Variants in MTHFD1L observed in about 807,000 individuals in gnomAD.
The protein encoded by MTHFD1L is monofunctional C1-tetrahydrofolate synthase, mitochondrial.
MTHFD1L carries 81 observed loss-of-function variants against 119.5 expected under a neutral mutation model. The observed-to-expected ratio is 0.68, with a 90% CI of 0.57 to 0.82. The LOEUF (loss-of-function observed/expected upper bound fraction) is 0.82. Ranked by LOEUF, MTHFD1L falls within the 40% of genes least tolerant of loss-of-function variation. The pLI is 0.00. For synonymous variants in MTHFD1L, 430 were observed against 475.2 expected (o/e 0.90, Z 1.24); for missense variants, 1,125 against 1,253.4 (o/e 0.90, Z 1.55).
At chr6:150,887,713 T>C in intron 6 of MTHFD1L, 132 bp from the exon 7 acceptor site, 1 of 942,038 alleles carries the variant, frequency 1.1e-6, no homozygotes, top group East Asian at 2.8e-5. Context: ...TGCCTCAGCC[T>C]CCCAAAGTGC....
At chr6:151,046,608 AC>A (rs1255572231) in intron 26 of MTHFD1L, among the ~76,000 whole-genome samples, 1 of 151,412 alleles carries the variant, frequency 6.6e-6, no homozygotes, top group Non-Finnish European at 1.5e-5. Flanking sequence ...CAACAAAGAT[AC>A]ATCTCAATTT....
intron 27 of MTHFD1L, among the ~76,000 whole-genome samples, chr6:151,097,136 A>G (rs1794952380): frequency 6.6e-6 from 1 of 152,204 alleles, no homozygotes; most frequent in Non-Finnish European, 1.5e-5. Context: ...GGCAAGATTC[A>G]TTCAAATGAA....
intron 26 of MTHFD1L, among the ~76,000 whole-genome samples, chr6:151,061,282 A>G (rs1386800831): frequency 6.6e-6 from 1 of 152,168 alleles, no homozygotes; most frequent in Non-Finnish European, 1.5e-5. Context: ...TACTCTCCCC[A>G]TAGAGTCACA....
intron 11 of MTHFD1L, chr6:150,935,638 A>G (rs1791927954): frequency 3.4e-6 from 4 of 1,179,776 alleles, no homozygotes; most frequent in South Asian, 3.2e-5. Flanking sequence ...AAGAGTGTCT[A>G]CAGCGTGGTT....
chr6:150,948,855 G>C (rs1323605163), intron 15 of MTHFD1L, among the ~76,000 whole-genome samples, 176 bp from the exon 16 acceptor site: 1 of 151,668 alleles, frequency 6.6e-6, no homozygotes, highest in African/African-American at 2.4e-5. Flanking sequence ...TGGTCAGGCT[G>C]GTCTCGAACT....
chr6:151,081,268 C>T (rs570836164), intron 26 of MTHFD1L, among the ~76,000 whole-genome samples: 1 of 152,132 alleles, frequency 6.6e-6, no homozygotes, highest in Non-Finnish European at 1.5e-5. Context: ...TAGTGATGAG[C>T]ACTGATGAGG....
chr6:150,945,485 G>A lies in MTHFD1L; in HGVS notation c.1567G>A (p.Val523Ile). Residue 523 changes from valine to isoleucine, a missense_variant, in exon 15 of 28, where the codon GTT becomes ATT. Coordinates refer to ENST00000367321, the MANE Select transcript of MTHFD1L (RefSeq NM_015440.5). ...QTDKALYNRL[V>I]PLVNGVREFS... ...TTTTTAGGCTCTGTATAATCGGCTG[G>A]TTCCTTTAGTGAATGGTGTCAGAGA... The A allele has an allele frequency of 1.2e-6, 2 of 1,613,918 alleles. No homozygotes were observed. The highest frequency in any genetic ancestry group is 1.1e-5 in the South Asian group (1 of 90,982).
chr6:151,032,947 A>G (rs1424271272), intron 24 of MTHFD1L, among the ~76,000 whole-genome samples: 1 of 151,934 alleles, frequency 6.6e-6, no homozygotes, highest in African/African-American at 2.4e-5. Context: ...CTCTTGGGTA[A>G]CTCTTGTATC....
At chr6:151,082,476 C>A (rs1372570201) in intron 26 of MTHFD1L, among the ~76,000 whole-genome samples, 1 of 152,158 alleles carries the variant, frequency 6.6e-6, no homozygotes, top group Non-Finnish European at 1.5e-5. Context: ...CTACAGAAAG[C>A]GTGACTTGTA....
intron 21 of MTHFD1L, among the ~76,000 whole-genome samples, chr6:151,013,309 GTT>G (rs2128487487): frequency 6.6e-6 from 1 of 152,336 alleles, no homozygotes; most frequent in African/African-American, 2.4e-5. Context: ...GAGCCCAGGA[GTT>G]TGAGACCGCA....
chr6:150,923,759 C>G (rs1253365542), intron 10 of MTHFD1L, among the ~76,000 whole-genome samples: 1 of 151,426 alleles, frequency 6.6e-6, no homozygotes, highest in East Asian at 1.9e-4. Context: ...TCAGTTCTAC[C>G]CACTAGGAGG....
chr6:151,087,114 C>T (rs1273529168), intron 26 of MTHFD1L, among the ~76,000 whole-genome samples: 2 of 151,872 alleles, frequency 1.3e-5, no homozygotes, highest in East Asian at 1.9e-4. Flanking sequence ...CCAGGCATGG[C>T]GGCGGGCACC....
chr6:150,962,241 T>C (rs1212378322), intron 18 of MTHFD1L, among the ~76,000 whole-genome samples: 1 of 152,116 alleles, frequency 6.6e-6, no homozygotes, highest in African/African-American at 2.4e-5. Context: ...CACCTCGACC[T>C]CCCAAAGTGC....
chr6:150,876,291 A>G (rs1780430592), intron 2 of MTHFD1L, 117 bp downstream of exon 2: 2 of 820,554 alleles, frequency 2.4e-6, no homozygotes, highest in East Asian at 5.7e-5. Context: ...TCAGTTGGCA[A>G]TGCTGTTTTC....
At chr6:150,877,131 T>C (rs1022407040) in intron 2 of MTHFD1L, among the ~76,000 whole-genome samples, 2 of 152,154 alleles carry the variant, frequency 1.3e-5, no homozygotes, top group Non-Finnish European at 2.9e-5. Context: ...TGGCTCACCG[T>C]AGCTTTGACC....
intron 13 of MTHFD1L, among the ~76,000 whole-genome samples, chr6:150,943,153 C>T (rs564418976): frequency 2.0e-5 from 3 of 151,956 alleles, no homozygotes; most frequent in Admixed American, 6.6e-5. Flanking sequence ...TGGTGGCAGG[C>T]GCCTATAGTC....
intron 7 of MTHFD1L, among the ~76,000 whole-genome samples, chr6:150,892,870 G>A (rs1027673459): frequency 6.6e-6 from 1 of 152,138 alleles, no homozygotes; most frequent in South Asian, 2.1e-4. Context: ...GCCTTCCTTG[G>A]AGTCGTGGTA....
At chr6:151,083,322 C>G (rs1318790972) in intron 26 of MTHFD1L, among the ~76,000 whole-genome samples, 1 of 152,120 alleles carries the variant, frequency 6.6e-6, no homozygotes. Flanking sequence ...CTCAACCTCC[C>G]GAGTAGCTGA....
intron 19 of MTHFD1L, among the ~76,000 whole-genome samples, chr6:150,970,713 C>T (rs887020350): frequency 9.1e-4 from 138 of 152,086 alleles, no homozygotes; most frequent in Admixed American, 9.0e-3. Context: ...TGTGTGTATG[C>T]CTTTGAGTTA....
Sources: gnomAD v4.1 joint callset for allele counts (sites outside exome capture counted in the v4.1 genomes callset) on GRCh38, gnomAD v4.1.1 for gene constraint, MANE v1.5 for transcripts, NCBI Gene and HGNC (gene_info 2026-07-23, HGNC 2026-07-21) for gene names.